Variants in CELF2 observed in about 807,000 individuals in gnomAD.
The protein encoded by CELF2 is CUG triplet repeat RNA-binding protein 2.
Under a neutral mutation model 62.6 loss-of-function variants are expected in CELF2, and 8 were observed. The observed-to-expected ratio is 0.13, with a 90% CI of 0.07 to 0.23. CELF2 has a LOEUF of 0.23. CELF2 is among the 10% of genes least tolerant of loss of function. The pLI is 1.00. For synonymous variants in CELF2, 258 were observed against 250.0 expected (o/e 1.03, Z -0.30); for missense variants, 333 against 671.0 (o/e 0.50, Z 5.56).
intron 1 of CELF2, among the ~76,000 whole-genome samples, chr10:11,134,325 G>A (rs903119659): frequency 6.6e-6 from 1 of 152,228 alleles, no homozygotes; most frequent in Admixed American, 6.5e-5. Flanking sequence ...GGATTCTGTA[G>A]TTGCGCATCT....
At chr10:11,282,456 A>G (rs1487040627) in intron 8 of CELF2, among the ~76,000 whole-genome samples, 1 of 152,214 alleles carries the variant, frequency 6.6e-6, no homozygotes, top group African/African-American at 2.4e-5. Context: ...CACCACGTGG[A>G]TGTGTTAGGA....
Position 11,335,853 on chromosome 10 carries a change from A to G in CELF2, c.*6800A>G, listed in dbSNP as rs2096110382. The G allele has an allele frequency of 6.6e-6, 1 of 152,260 alleles. No individual in the cohort carries two copies. The highest frequency in any genetic ancestry group is 1.5e-5 in the Non-Finnish European group (1 of 68,054). The allele number at this position is 152,260 out of a possible 1,614,324, so 9.4% of individuals were successfully genotyped here. A position where few individuals can be genotyped will look rare whatever the true frequency, so the allele number is the denominator to read the frequency against. On this transcript the variant is annotated 3_prime_UTR_variant, in exon 13 of 13. Transcript: ENST00000633077. This position sits in a 1 kb window ranked among gnomAD's most constrained non-coding sequence, Gnocchi z 5.0. The stretch of plus-strand genomic sequence containing the variant: ...AAATACTCATGCTAAGCAAAGGAAG[A>G]GAAAGACAAAGCCAGTTTTTGTTGC...
At chr10:10,750,389 G>C in the CELF2 span, among the ~76,000 whole-genome samples, 1 of 152,194 alleles carries the variant, frequency 6.6e-6, no homozygotes, top group Non-Finnish European at 1.5e-5. Context: ...AGCTCTTGGG[G>C]AAAATGCAAA....
intron 1 of CELF2, among the ~76,000 whole-genome samples, chr10:11,150,872 A>G (rs2063205261): frequency 6.6e-6 from 1 of 152,236 alleles, no homozygotes; most frequent in African/African-American, 2.4e-5. Context: ...ACACTGAAGA[A>G]CTACAGTTAG....
chr10:10,635,698 C>T, the CELF2 span, among the ~76,000 whole-genome samples: 2 of 152,160 alleles, frequency 1.3e-5, no homozygotes, highest in Non-Finnish European at 2.9e-5. Flanking sequence ...TAAGCATGTT[C>T]GAGTTGTCTC....
chr10:10,688,437 G>A, the CELF2 span, among the ~76,000 whole-genome samples: 4 of 152,112 alleles, frequency 2.6e-5, no homozygotes, highest in East Asian at 1.9e-4. Context: ...GCCCAGACCC[G>A]ACCCAGCCTC....
intron 2 of CELF2, among the ~76,000 whole-genome samples, chr10:10,986,765 T>C (rs1420829225): frequency 6.6e-6 from 1 of 152,206 alleles, no homozygotes. Context: ...GTCTGCCACA[T>C]TGCAATGTGG....
chr10:10,967,911 A>G (rs539501421), intron 2 of CELF2, among the ~76,000 whole-genome samples: 91 of 146,124 alleles, frequency 6.2e-4, no homozygotes, highest in African/African-American at 2.4e-3. Flanking sequence ...ATGAGTTATT[A>G]AGGTAAGCAC....
At chr10:10,603,575 C>T in the CELF2 span, among the ~76,000 whole-genome samples, 1 of 152,108 alleles carries the variant, frequency 6.6e-6, no homozygotes, top group Non-Finnish European at 1.5e-5. Flanking sequence ...TATCACTAAT[C>T]TCATCACCAG....
the CELF2 span, among the ~76,000 whole-genome samples, chr10:10,566,275 G>C: frequency 9.2e-5 from 14 of 151,790 alleles, no homozygotes; most frequent in Non-Finnish European, 1.3e-4. Flanking sequence ...CACTTTGCAG[G>C]GCTTCCCATT....
intron 2 of CELF2, among the ~76,000 whole-genome samples, chr10:10,943,185 A>G (rs903713648): frequency 6.6e-6 from 1 of 152,124 alleles, no homozygotes; most frequent in African/African-American, 2.4e-5. Flanking sequence ...CATCTCTCCA[A>G]CTGATGTCAT....
intron 1 of CELF2, among the ~76,000 whole-genome samples, chr10:11,026,748 T>A (rs979472170): frequency 2.0e-5 from 3 of 152,180 alleles, no homozygotes; most frequent in African/African-American, 4.8e-5. Flanking sequence ...TTCCTAAGTT[T>A]CAACAGAAGG....
At chr10:10,662,614 T>A in the CELF2 span, among the ~76,000 whole-genome samples, 1 of 152,140 alleles carries the variant, frequency 6.6e-6, no homozygotes, top group Non-Finnish European at 1.5e-5. Context: ...CATTTTGTAG[T>A]AAAAGTGACC....
intron 1 of CELF2, among the ~76,000 whole-genome samples, chr10:11,150,621 G>T (rs2063150376): frequency 6.6e-6 from 1 of 152,190 alleles, no homozygotes; most frequent in African/African-American, 2.4e-5. Flanking sequence ...CTGCCTCTGT[G>T]TACCCAAACC....
upstream of CELF2, among the ~76,000 whole-genome samples, chr10:11,015,809 G>A (rs1246926537): frequency 6.6e-6 from 1 of 152,138 alleles, no homozygotes; most frequent in Admixed American, 6.5e-5. This position sits in a 1 kb window ranked among gnomAD's most constrained non-coding sequence, Gnocchi z 4.8. Context: ...TGCTGAGAAG[G>A]CTTAAGTCAG....
intron 1 of CELF2, among the ~76,000 whole-genome samples, chr10:11,023,670 C>T (rs1291914003): frequency 6.6e-6 from 1 of 152,174 alleles, no homozygotes; most frequent in African/African-American, 2.4e-5. Context: ...GCTTCACTCT[C>T]CCCATTTGTT....
intron 2 of CELF2, among the ~76,000 whole-genome samples, chr10:11,181,301 A>G (rs1005199806): frequency 9.2e-5 from 14 of 152,122 alleles, no homozygotes; most frequent in African/African-American, 3.4e-4. Flanking sequence ...GTGCTTGTCA[A>G]ACTGACGTTA....
the CELF2 span, among the ~76,000 whole-genome samples, chr10:10,588,621 T>G: frequency 1.3e-5 from 2 of 152,334 alleles, no homozygotes; most frequent in East Asian, 3.9e-4. Context: ...TGTAGATGAC[T>G]CAAGTTTGTT....
intron 1 of CELF2, among the ~76,000 whole-genome samples, chr10:10,893,725 A>G (rs1490843982): frequency 1.3e-5 from 2 of 152,236 alleles, no homozygotes; most frequent in Non-Finnish European, 1.5e-5. Context: ...GACACCTCAC[A>G]AGGTGGGAGC....
Sources: allele counts gnomAD v4.1 joint callset (sites outside exome capture counted in the v4.1 genomes callset), GRCh38; gene constraint gnomAD v4.1.1; non-coding constraint Gnocchi (gnomAD v3.1); transcripts MANE v1.5; gene names NCBI Gene and HGNC (gene_info 2026-07-23, HGNC 2026-07-21).